The following ADCY8 variants were observed in gnomAD, a reference collection of about 807,000 sequenced individuals.
The protein encoded by ADCY8 is adenylate cyclase 8.
Under a neutral mutation model 119.7 loss-of-function variants are expected in ADCY8, and 51 were observed. The observed-to-expected ratio is 0.43, with a 90% CI of 0.34 to 0.54. ADCY8 has a LOEUF of 0.54. ADCY8 is among the 20% of genes least tolerant of loss of function. The pLI, the probability that ADCY8 is intolerant of heterozygous loss-of-function variation, is 0.03. For synonymous variants in ADCY8, 665 were observed against 651.0 expected, an observed-to-expected ratio of 1.02 and a Z score of -0.33; for missense variants, 1,383 against 1,598.8, an observed-to-expected ratio of 0.87 and a Z score of 2.30.
At chr8:130,843,278 T>C (rs1182552793) in intron 11 of ADCY8, among the ~76,000 whole-genome samples, 2 of 152,220 alleles carry the variant, frequency 1.3e-5, no homozygotes, top group Admixed American at 6.5e-5. Flanking sequence ...TATTCTCAGC[T>C]CTGTGTGAGT....
chr8:130,872,726 T>C (rs945421313), intron 8 of ADCY8, among the ~76,000 whole-genome samples: 3 of 152,170 alleles, frequency 2.0e-5, no homozygotes, highest in Non-Finnish European at 4.4e-5. Context: ...ATGGGTGAAC[T>C]GATAATAGGG....
chr8:130,873,512 GT>G (rs1432007011), intron 8 of ADCY8, among the ~76,000 whole-genome samples: 1 of 152,034 alleles, frequency 6.6e-6, no homozygotes, highest in Non-Finnish European at 1.5e-5. Flanking sequence ...TAGAGACGGG[GT>G]TTCTCCATGT....
At chr8:130,923,462 T>G (rs1052099331) in intron 5 of ADCY8, among the ~76,000 whole-genome samples, 1 of 152,240 alleles carries the variant, frequency 6.6e-6, no homozygotes, top group Non-Finnish European at 1.5e-5. Context: ...TGATTAACTG[T>G]TGGGGACAAA....
intron 2 of ADCY8, among the ~76,000 whole-genome samples, chr8:130,981,132 C>T (rs1015113741): frequency 6.6e-6 from 1 of 152,078 alleles, no homozygotes; most frequent in Non-Finnish European, 1.5e-5. Flanking sequence ...ACATTGCTTT[C>T]AAATGAGGTG....
In ADCY8 at chr8:130,869,138, C is replaced by T. The variant is rs75800600; in HGVS notation, c.2110-1192G>A. Among the ~76,000 whole-genome samples, 1,187 of 152,294 alleles carry T rather than the reference C, an allele frequency of 7.8e-3. 15 individuals carry two copies. The highest frequency in any genetic ancestry group is 0.027 in the African/African-American group (1,109 of 41,570). On this transcript the variant is annotated intron_variant, in intron 8 of 17. Coordinates refer to ENST00000286355, the MANE Select transcript of ADCY8 (RefSeq NM_001115.3). The stretch of plus-strand genomic sequence containing the variant: ...GATGAAGCACAATGCTGTTCAGAGA[C>T]TGCACAGTTATTGCTTTTGCAGGGC...
intron 12 of ADCY8, among the ~76,000 whole-genome samples, chr8:130,821,974 A>G (rs1454693488): frequency 6.6e-6 from 1 of 152,226 alleles, no homozygotes; most frequent in African/African-American, 2.4e-5. Context: ...GATGTTAACA[A>G]TAGATGATAC....
chr8:130,984,424 G>A (rs1418455420), intron 2 of ADCY8, among the ~76,000 whole-genome samples: 1 of 151,540 alleles, frequency 6.6e-6, no homozygotes, highest in African/African-American at 2.4e-5. Flanking sequence ...AAGAATAGGT[G>A]AAAGAAAGCA....
chr8:130,781,860 A>G (rs577923305), intron 17 of ADCY8, among the ~76,000 whole-genome samples: 26 of 152,320 alleles, frequency 1.7e-4, no homozygotes, highest in Non-Finnish European at 3.1e-4. Flanking sequence ...CAATTATTTC[A>G]TTCTACAAAC....
intron 11 of ADCY8, among the ~76,000 whole-genome samples, chr8:130,838,169 A>G (rs995901022): frequency 1.3e-5 from 2 of 152,206 alleles, no homozygotes. Context: ...AAATGTTGAC[A>G]TTGACAAGTG....
chr8:130,782,503 C>T (rs971213663), intron 17 of ADCY8, among the ~76,000 whole-genome samples: 18 of 152,144 alleles, frequency 1.2e-4, no homozygotes, highest in African/African-American at 3.9e-4. Flanking sequence ...ATTTTCCAAC[C>T]TCTGAGATCA....
chr8:131,039,957 T>TCGCCCC lies in ADCY8; in HGVS notation c.371_376dup (p.Gly124_Gly125dup). 6.3e-7 allele frequency: 1 copy of TCGCCCC among 1,588,832 alleles called. No individual in the cohort carries two copies. ...ACAGTCAAGGTGCAGGAAGCCCAGGTCGCCCCCGCCTCCGCTGCCGCTGGC... is the reference window on the plus strand; with the variant it reads ...ACAGTCAAGGTGCAGGAAGCCCAGGTCGCCCCCGCCCCCGCCTCCGCTGCCGCTGGC... On this transcript the variant is annotated inframe_insertion, in exon 1 of 18. Transcript: ENST00000286355.
chr8:131,039,595 C>T lies in ADCY8; in HGVS notation c.739G>A (p.Val247Met), dbSNP rs781717717. The change falls in exon 1 of 18, where the codon GTG (valine) becomes ATG (methionine). Residue 247 changes from valine to methionine, a missense_variant. This residue lies in a region of ADCY8 where 455 missense variants were observed against 435.3 expected (regional missense o/e 1.05). Coordinates refer to ENST00000286355, the MANE Select transcript of ADCY8 (RefSeq NM_001115.3). ...GTGGTCATGGCCACCCAGGTGACCA[C>T]GCCGCTGTACTGCAGGTACGTGTGG... The part of the protein sequence containing the change: ...TSHTYLQYSG[V>M]VTWVAMTTQI... The T allele has an allele frequency of 2.5e-6, 4 of 1,613,982 alleles. No homozygotes were observed. The highest frequency in any genetic ancestry group is 2.2e-5 in the South Asian group (2 of 91,078).
chr8:131,019,832 TCTC>T lies in ADCY8; in HGVS notation c.960+19539_960+19541del, dbSNP rs1823603515. On this transcript the variant is annotated intron_variant, in intron 1 of 17. Coordinates refer to ENST00000286355, the MANE Select transcript of ADCY8 (RefSeq NM_001115.3). Reference sequence around the variant, plus strand: ...CTCTCTCTCTCTCTCTCTCTCTCTCTCTCTCTGTCTGTCTCTCTCTCTCTCTCT... The same window carrying T: ...CTCTCTCTCTCTCTCTCTCTCTCTCTTCTGTCTGTCTCTCTCTCTCTCTCT... Among the ~76,000 whole-genome samples, 27 of 111,688 alleles carry T rather than the reference TCTC, an allele frequency of 2.4e-4. 2 individuals are homozygous for T. The South Asian group carries it at 9.4e-3, about 39-fold the overall frequency. The allele number at this position is 111,688 out of a possible 152,430, so 73.3% of individuals were successfully genotyped here.
intron 2 of ADCY8, among the ~76,000 whole-genome samples, chr8:130,978,246 G>T (rs1364428075): frequency 6.6e-6 from 1 of 152,172 alleles, no homozygotes; most frequent in Non-Finnish European, 1.5e-5. Flanking sequence ...GGGTTGTAAA[G>T]ATGAAATATT....
intron 5 of ADCY8, among the ~76,000 whole-genome samples, chr8:130,932,190 T>G (rs1486855630): frequency 2.0e-5 from 3 of 152,184 alleles, no homozygotes; most frequent in African/African-American, 7.2e-5. Flanking sequence ...TACATGGGTA[T>G]TACTTCTGGG....
intron 2 of ADCY8, among the ~76,000 whole-genome samples, chr8:130,980,168 C>A (rs905716088): frequency 6.6e-6 from 1 of 152,122 alleles, no homozygotes; most frequent in Non-Finnish European, 1.5e-5. Context: ...CTGCTCCTGC[C>A]TCTGGGATTC....
intron 1 of ADCY8, among the ~76,000 whole-genome samples, chr8:130,997,589 A>G (rs1586642149): frequency 6.6e-6 from 1 of 152,362 alleles, no homozygotes; most frequent in South Asian, 2.1e-4. Flanking sequence ...AGAAAAGACC[A>G]TCCAGATAGA....
At position 131,040,494 on chromosome 8, in the gene ADCY8, G is replaced by T; in HGVS notation, c.-161C>A. On this transcript the variant is annotated 5_prime_UTR_variant, in exon 1 of 18. Coordinates refer to ENST00000286355, the MANE Select transcript of ADCY8 (RefSeq NM_001115.3). ...CTGCGCTAGGGCTCCCTGTAGGTCGGGTCATACTGTGCCCAGGGGCAAAGG... is the reference window on the plus strand; with the variant it reads ...CTGCGCTAGGGCTCCCTGTAGGTCGTGTCATACTGTGCCCAGGGGCAAAGG... The T allele has an allele frequency of 1.1e-6, 1 of 873,690 alleles. No individual in the cohort carries two copies. The highest frequency in any genetic ancestry group is 1.6e-6 in the Non-Finnish European group (1 of 639,710). 54.1% of individuals were successfully genotyped at this position (873,690 alleles called of 1,614,324 possible).
intron 1 of ADCY8, among the ~76,000 whole-genome samples, chr8:131,017,976 G>A (rs1319539550): frequency 6.6e-6 from 1 of 152,076 alleles, no homozygotes; most frequent in Non-Finnish European, 1.5e-5. Flanking sequence ...AATATAAATT[G>A]TATTACAAAT....
Sources: gnomAD v4.1 joint callset for allele counts (sites outside exome capture counted in the v4.1 genomes callset) on GRCh38, gnomAD v4.1.1 for gene constraint, gnomAD v4.1.1 regional missense constraint, MANE v1.5 for transcripts, NCBI Gene and HGNC (gene_info 2026-07-23, HGNC 2026-07-21) for gene names.